The following RCAN2 variants were observed in gnomAD, a reference collection of about 807,000 sequenced individuals.
RCAN2 encodes the protein regulator of calcineurin 2, also known as calcipressin-2.
Under a neutral mutation model 23.6 loss-of-function variants are expected in RCAN2, and 9 were observed. That is an observed-to-expected ratio of 0.38 (90% CI 0.23 to 0.67). The LOEUF is 0.67. Ranked by LOEUF, RCAN2 falls within the 30% of genes least tolerant of loss-of-function variation. The pLI, the probability that RCAN2 is intolerant of heterozygous loss-of-function variation, is 0.51. For synonymous variants in RCAN2, 109 were observed against 115.7 expected (o/e 0.94, Z 0.37); for missense variants, 273 against 302.3 (o/e 0.90, Z 0.72).
chr6:46,400,222 T>C (rs1766210910), intron 2 of RCAN2, among the ~76,000 whole-genome samples: 1 of 152,196 alleles, frequency 6.6e-6, no homozygotes, highest in Non-Finnish European at 1.5e-5. Flanking sequence ...TGACATGATC[T>C]TCCACTTTCC....
At chr6:46,456,218 G>C (rs1768025293) in intron 2 of RCAN2, among the ~76,000 whole-genome samples, 2 of 152,134 alleles carry the variant, frequency 1.3e-5, no homozygotes, top group Admixed American at 6.5e-5. Context: ...ACACACACAT[G>C]GCAATACCAC....
chr6:46,262,167 T>C (rs1292223860), intron 2 of RCAN2, among the ~76,000 whole-genome samples: 4 of 151,954 alleles, frequency 2.6e-5, no homozygotes, highest in Non-Finnish European at 5.9e-5. Context: ...TTTTTTAAGC[T>C]GGGGCCTCTA....
intron 2 of RCAN2, among the ~76,000 whole-genome samples, chr6:46,282,505 C>G (rs2150339871): frequency 7.7e-6 from 1 of 129,190 alleles, no homozygotes; most frequent in East Asian, 2.3e-4. Flanking sequence ...AACAAACAAA[C>G]AAAAGGTCAC....
chr6:46,433,554 G>T (rs972111978), intron 2 of RCAN2, among the ~76,000 whole-genome samples: 1 of 152,186 alleles, frequency 6.6e-6, no homozygotes, highest in Non-Finnish European at 1.5e-5. Flanking sequence ...AGAAGTCAAA[G>T]AGATGGGTAG....
chr6:46,366,354 A>G (rs1160210386), intron 2 of RCAN2, among the ~76,000 whole-genome samples: 1 of 152,124 alleles, frequency 6.6e-6, no homozygotes, highest in Non-Finnish European at 1.5e-5. Flanking sequence ...CATCTTCCTG[A>G]CACTGTAAGA....
At chr6:46,325,512 C>G in intron 2 of RCAN2, 5 of 1,612,928 alleles carry the variant, frequency 3.1e-6, no homozygotes, top group Non-Finnish European at 4.2e-6. Flanking sequence ...AAGAGTTAGG[C>G]AACCTCAGAG....
chr6:46,293,076 AGTATTCCATGGTGTATG>A (rs1464704427), intron 2 of RCAN2, among the ~76,000 whole-genome samples: 1 of 152,186 alleles, frequency 6.6e-6, no homozygotes, highest in African/African-American at 2.4e-5. Context: ...ATGGTTGTAT[AGTATTCCATGGTGTATG>A]TGTACCACAT....
At chr6:46,240,228 C>T (rs944886880) in intron 4 of RCAN2, among the ~76,000 whole-genome samples, 7 of 152,152 alleles carry the variant, frequency 4.6e-5, no homozygotes, top group Non-Finnish European at 5.9e-5. Context: ...AGAAAAAATG[C>T]AAGGGTAAAC....
intron 1 of RCAN2, among the ~76,000 whole-genome samples, chr6:46,474,983 T>C (rs557978371): frequency 1.4e-4 from 22 of 152,382 alleles, no homozygotes; most frequent in African/African-American, 4.8e-4. Flanking sequence ...AGTTGCTGTA[T>C]GCATTTTTAT....
At chr6:46,385,118 C>A (rs556754808) in intron 2 of RCAN2, among the ~76,000 whole-genome samples, 3 of 152,170 alleles carry the variant, frequency 2.0e-5, no homozygotes, top group Non-Finnish European at 4.4e-5. Context: ...ATAAAAGGAA[C>A]CTTTAAGTCT....
intron 2 of RCAN2, among the ~76,000 whole-genome samples, chr6:46,422,519 G>T (rs1332271292): frequency 1.3e-5 from 2 of 152,118 alleles, no homozygotes; most frequent in Non-Finnish European, 2.9e-5. Flanking sequence ...ATAGAAAAGG[G>T]ATGCTTTTAA....
intron 4 of RCAN2, among the ~76,000 whole-genome samples, chr6:46,233,503 A>G (rs775901415): frequency 6.6e-5 from 10 of 152,238 alleles, no homozygotes; most frequent in Non-Finnish European, 7.4e-5. Flanking sequence ...GTCATCCTCA[A>G]ATGAGGAATA....
At chr6:46,254,141 T>TA (rs1766826298) in intron 2 of RCAN2, among the ~76,000 whole-genome samples, 1 of 152,218 alleles carries the variant, frequency 6.6e-6, no homozygotes, top group East Asian at 1.9e-4. Context: ...ACCATGGGTA[T>TA]AAATGTCAAC....
chr6:46,454,334 T>C (rs1181741560), intron 2 of RCAN2, among the ~76,000 whole-genome samples: 3 of 152,154 alleles, frequency 2.0e-5, no homozygotes, highest in Admixed American at 6.5e-5. Flanking sequence ...GGAAGAGAAA[T>C]ATGCAGTGAA....
At chr6:46,431,909 T>C (rs531431202) in intron 2 of RCAN2, among the ~76,000 whole-genome samples, 1 of 152,198 alleles carries the variant, frequency 6.6e-6, no homozygotes, top group African/African-American at 2.4e-5. Context: ...TGACTTTGTA[T>C]TGGAAACTAC....
chr6:46,254,421 G>T (rs1033908427), intron 2 of RCAN2, among the ~76,000 whole-genome samples: 4 of 152,188 alleles, frequency 2.6e-5, no homozygotes, highest in African/African-American at 7.2e-5. Context: ...GTCAAATAGG[G>T]TGAAGATGGA....
At chr6:46,244,166 G>A (rs1287593537) in intron 4 of RCAN2, among the ~76,000 whole-genome samples, 1 of 152,196 alleles carries the variant, frequency 6.6e-6, no homozygotes, top group East Asian at 1.9e-4. Flanking sequence ...GATAAAAGAA[G>A]GTGGGTGCTA....
chr6:46,298,337 T>A (rs1020744525), intron 2 of RCAN2, among the ~76,000 whole-genome samples: 1 of 152,018 alleles, frequency 6.6e-6, no homozygotes, highest in Non-Finnish European at 1.5e-5. Flanking sequence ...TAGGGCAATA[T>A]TATGTCAATG....
chr6:46,403,950 G>A (rs1033868645), intron 2 of RCAN2, among the ~76,000 whole-genome samples: 13 of 152,124 alleles, frequency 8.5e-5, no homozygotes, highest in African/African-American at 1.4e-4. Flanking sequence ...GGCCAGGTGC[G>A]CTGGCTCACG....
Sources: allele counts gnomAD v4.1 joint callset (sites outside exome capture counted in the v4.1 genomes callset), GRCh38; gene constraint gnomAD v4.1.1; transcripts MANE v1.5; gene names NCBI Gene and HGNC (gene_info 2026-07-23, HGNC 2026-07-21).